The following PSME4 variants were observed in gnomAD, a reference collection of about 807,000 sequenced individuals.
The protein encoded by PSME4 is proteasome activator complex subunit 4.
PSME4 carries 89 observed loss-of-function variants against 253.9 expected under a neutral mutation model. That is an observed-to-expected ratio of 0.35 (90% CI 0.30 to 0.42). The LOEUF (loss-of-function observed/expected upper bound fraction) is 0.42. Ranked by LOEUF, PSME4 falls within the 10% of genes least tolerant of loss-of-function variation. The pLI, the probability that PSME4 is intolerant of heterozygous loss-of-function variation, is 1.00. For synonymous variants in PSME4, 851 were observed against 759.2 expected, an observed-to-expected ratio of 1.12 and a Z score of -1.99; for missense variants, 2,014 against 2,195.2, an observed-to-expected ratio of 0.92 and a Z score of 1.65.
intron 1 of PSME4, among the ~76,000 whole-genome samples, chr2:53,951,460 A>G (rs1266108212): frequency 6.6e-6 from 1 of 152,180 alleles, no homozygotes; most frequent in Non-Finnish European, 1.5e-5. Flanking sequence ...TTGGTTCATT[A>G]ACTCATTTTT....
At chr2:53,915,515 T>A (rs1668018676) in intron 20 of PSME4, among the ~76,000 whole-genome samples, 1 of 152,166 alleles carries the variant, frequency 6.6e-6, no homozygotes, top group South Asian at 2.1e-4. Context: ...GAGGATCACT[T>A]GAGCTCACAG....
At chr2:53,951,842 AATT>A (rs1355763417) in intron 1 of PSME4, among the ~76,000 whole-genome samples, 1 of 152,206 alleles carries the variant, frequency 6.6e-6, no homozygotes, top group Non-Finnish European at 1.5e-5. Flanking sequence ...TACTCAAAAT[AATT>A]ATTATGAAAG....
At chr2:53,890,585 G>C (rs1214678396) in intron 36 of PSME4, among the ~76,000 whole-genome samples, 1 of 152,158 alleles carries the variant, frequency 6.6e-6, no homozygotes, top group African/African-American at 2.4e-5. Flanking sequence ...GGAATTATAG[G>C]CATGAGCTAG....
intron 1 of PSME4, among the ~76,000 whole-genome samples, chr2:53,962,998 A>T (rs1275706608): frequency 4.7e-5 from 7 of 149,488 alleles, no homozygotes. Context: ...TAACAGAGCG[A>T]GACTCAGTGT....
intron 41 of PSME4, among the ~76,000 whole-genome samples, chr2:53,884,963 G>A (rs1679568266): frequency 6.6e-6 from 1 of 152,134 alleles, no homozygotes; most frequent in South Asian, 2.1e-4. Flanking sequence ...CATGCCATTT[G>A]TTAACAATAA....
chr2:53,867,588 G>C (rs1186580030), intron 44 of PSME4, among the ~76,000 whole-genome samples: 3 of 146,624 alleles, frequency 2.0e-5, no homozygotes, highest in Admixed American at 6.9e-5. Context: ...AGGATCGCTT[G>C]AGCCTGGGAG....
At chr2:53,934,512 A>T in intron 8 of PSME4, 93 bp downstream of exon 8, 1 of 1,287,160 alleles carries the variant, frequency 7.8e-7, no homozygotes, top group East Asian at 2.4e-5. Flanking sequence ...CAACCAAGCC[A>T]CTATTATCAA....
chr2:53,929,849 C>A (rs1161611600), intron 10 of PSME4, among the ~76,000 whole-genome samples: 1 of 151,898 alleles, frequency 6.6e-6, no homozygotes, highest in African/African-American at 2.4e-5. Context: ...GAAACGCCAT[C>A]TCTACTAAAA....
chr2:53,910,345 T>C (rs975361992), intron 20 of PSME4, among the ~76,000 whole-genome samples: 1 of 152,146 alleles, frequency 6.6e-6, no homozygotes, highest in African/African-American at 2.4e-5. Context: ...AGAAAAAATT[T>C]AGTGACTTCA....
At chr2:53,902,538 T>G (rs1311539451) in intron 27 of PSME4, among the ~76,000 whole-genome samples, 1 of 152,226 alleles carries the variant, frequency 6.6e-6, no homozygotes, top group Non-Finnish European at 1.5e-5. Context: ...TCGATTTTGT[T>G]GATCTAATAG....
At chr2:53,887,051 G>A (rs1216311729) in intron 40 of PSME4, among the ~76,000 whole-genome samples, 1 of 152,162 alleles carries the variant, frequency 6.6e-6, no homozygotes, top group African/African-American at 2.4e-5. Flanking sequence ...TTCGTATGAT[G>A]AAGAGGATTC....
At chr2:53,930,856 T>C (rs1451698460) in intron 10 of PSME4, among the ~76,000 whole-genome samples, 1 of 152,220 alleles carries the variant, frequency 6.6e-6, no homozygotes, top group African/African-American at 2.4e-5. Context: ...AAAACTAACA[T>C]TCCTCCTCTA....
chr2:53,922,437 ATT>A lies in PSME4; in HGVS notation c.2046+78_2046+79del, dbSNP rs961148899. 3 of 1,456,860 alleles carry A rather than the reference ATT, an allele frequency of 2.1e-6. No individual in the cohort carries two copies. The African/African-American group carries it at 4.2e-5, about 21-fold the overall frequency. The allele number at this position is 1,456,860 out of a possible 1,614,324, so 90.2% of individuals were successfully genotyped here. A position where few individuals can be genotyped will look rare whatever the true frequency, so the allele number is the denominator to read the frequency against. On this transcript the variant is annotated intron_variant, in intron 17 of 46. Transcript: ENST00000404125. ...CTGACTTTTCATATGTTTTAAAGTC[ATT>A]TTGTCAGAAAGAGCTAAATCCTAAA...
At chr2:53,934,306 T>A (rs575849644) in intron 8 of PSME4, among the ~76,000 whole-genome samples, 1 of 152,346 alleles carries the variant, frequency 6.6e-6, no homozygotes, top group Admixed American at 6.5e-5. Flanking sequence ...AATCCTACCT[T>A]GGGAAAGTCT....
intron 22 of PSME4, 35 bp from the exon 23 acceptor site, chr2:53,908,600 A>C: frequency 6.4e-7 from 1 of 1,566,034 alleles, no homozygotes. Context: ...TTTGGTTAAA[A>C]TATTTTGAAC....
At chr2:53,934,809 T>A in intron 7 of PSME4, 82 bp from the exon 8 acceptor site, 1 of 1,031,434 alleles carries the variant, frequency 9.7e-7, no homozygotes, top group Non-Finnish European at 1.4e-6. Context: ...ATATTAGTGT[T>A]ACTGAAGATA....
At position 53,892,918 on chromosome 2, in the gene PSME4, T is replaced by TCAG; in HGVS notation, c.4078_4080dup (p.Leu1360dup). 6.2e-7 allele frequency: 1 copy of TCAG among 1,613,790 alleles called. No homozygotes were observed. Among genetic ancestry groups the TCAG allele is most frequent in the Non-Finnish European group, 8.5e-7 (1 of 1,179,846 alleles). ...GCAACCAAATGTTCTAAATGGGGCT[T>TCAG]CAGAACTGGCAGGAAGGCATCATCA... is the stretch of plus-strand genomic sequence containing the variant. On this transcript the variant is annotated inframe_insertion, in exon 36 of 47. Coordinates refer to ENST00000404125, the MANE Select transcript of PSME4 (RefSeq NM_014614.3).
rs201023537 is a variant in PSME4 at position 53,885,670 on chromosome 2, T to C, written c.4815+20A>G. The C allele has an allele frequency of 1.9e-6, 3 of 1,576,142 alleles. No individual in the cohort carries two copies. In the South Asian group the frequency reaches 3.3e-5, roughly 18 times the overall value. On this transcript the variant is annotated intron_variant, in intron 41 of 46. Coordinates refer to ENST00000404125, the MANE Select transcript of PSME4 (RefSeq NM_014614.3). ...TGAAGGTCAAAAGGAGATGCATTCT[T>C]AATTTCAGCAAAACCTTACCTTGAA...
In PSME4 at chr2:53,890,272, T is replaced by C. The variant is rs1679846529; in HGVS notation, c.4192-64A>G. ...CTCAGAACATTTTTCTTCAAATATC[T>C]TTCTTTACCTGGAAATGTACACACA... On this transcript the variant is annotated intron_variant, in intron 36 of 46. Coordinates refer to ENST00000404125, the MANE Select transcript of PSME4 (RefSeq NM_014614.3). 4 of 1,108,386 alleles carry C rather than the reference T, an allele frequency of 3.6e-6. No individual in the cohort carries two copies. The East Asian group carries it at 9.5e-5, about 26-fold the overall frequency. 68.7% of individuals were successfully genotyped at this position (1,108,386 alleles called of 1,614,324 possible).
Sources: gnomAD v4.1 joint callset for allele counts (sites outside exome capture counted in the v4.1 genomes callset) on GRCh38, gnomAD v4.1.1 for gene constraint, MANE v1.5 for transcripts, NCBI Gene and HGNC (gene_info 2026-07-23, HGNC 2026-07-21) for gene names.